The following DLGAP3 variants were observed in gnomAD, a reference collection of about 807,000 sequenced individuals.
DLGAP3 encodes the protein disks large-associated protein 3.
DLGAP3 carries 17 observed loss-of-function variants against 81.2 expected under a neutral mutation model. That is an observed-to-expected ratio of 0.21 (90% CI 0.14 to 0.31). DLGAP3 has a LOEUF of 0.31. Ranked by LOEUF, DLGAP3 falls within the 10% of genes least tolerant of loss-of-function variation. The probability of loss-of-function intolerance (pLI) is 1.00; values close to 1 mark genes in which losing one functional copy is unlikely to be tolerated. For synonymous variants in DLGAP3, 577 were observed against 587.4 expected (o/e 0.98, Z 0.26); for missense variants, 1,124 against 1,388.0 (o/e 0.81, Z 3.02).
At chr1:34,883,551 C>A (rs1049224067) in intron 8 of DLGAP3, among the ~76,000 whole-genome samples, 25 of 152,252 alleles carry the variant, frequency 1.6e-4, no homozygotes, top group Non-Finnish European at 2.8e-4. Context: ...TGACTCCTAC[C>A]CCATCTCTCA....
intron 3 of DLGAP3, among the ~76,000 whole-genome samples, chr1:34,903,765 T>C (rs935839194): frequency 1.3e-5 from 2 of 152,170 alleles, no homozygotes; most frequent in African/African-American, 4.8e-5. Context: ...CCACCACCGG[T>C]ACCCCGGAAT....
intron 1 of DLGAP3, among the ~76,000 whole-genome samples, chr1:34,924,099 G>A (rs1639834182): frequency 6.6e-6 from 1 of 152,112 alleles, no homozygotes; most frequent in Non-Finnish European, 1.5e-5. Flanking sequence ...ACAAGGGAAG[G>A]GACCTTAAGA....
intron 2 of DLGAP3, among the ~76,000 whole-genome samples, chr1:34,907,111 T>C (rs1234675397): frequency 6.6e-6 from 1 of 152,116 alleles, no homozygotes; most frequent in African/African-American, 2.4e-5. Flanking sequence ...TCACCCCTCA[T>C]CTCCTACTAT....
chr1:34,904,362 C>G lies in DLGAP3; in HGVS notation c.1022G>C (p.Arg341Pro), dbSNP rs777517092. 2 of 1,613,184 alleles carry G rather than the reference C, an allele frequency of 1.2e-6. No individual in the cohort carries two copies. Residue 341 changes from arginine to proline, a missense_variant, in exon 3 of 12, where the codon CGG becomes CCG. Arg to Pro is a moderately radical substitution (Grantham distance 103). Coordinates refer to ENST00000373347, the MANE Select transcript of DLGAP3 (RefSeq NM_001080418.3). This position sits in a 1 kb window ranked among gnomAD's most constrained non-coding sequence, Gnocchi z 8.1. ...TGGCCCGGCCCCCGGGTATCCATCC[C>G]GGCCCTGGCTGACCATCATGGTATG... is the stretch of plus-strand genomic sequence containing the variant. ...AWHTMMVSQG[R>P]DGYPGAGPGK...
intron 8 of DLGAP3, among the ~76,000 whole-genome samples, chr1:34,884,609 T>C (rs760584243): frequency 6.6e-6 from 1 of 152,198 alleles, no homozygotes; most frequent in Non-Finnish European, 1.5e-5. Context: ...CACATACTTG[T>C]ACACCACAGG....
intron 5 of DLGAP3, among the ~76,000 whole-genome samples, chr1:34,892,294 C>T (rs1487779684): frequency 6.6e-6 from 1 of 151,958 alleles, no homozygotes; most frequent in Non-Finnish European, 1.5e-5. Flanking sequence ...TATAAATTAT[C>T]CAATATGAAT....
intron 8 of DLGAP3, among the ~76,000 whole-genome samples, chr1:34,879,891 G>T (rs574446145): frequency 2.0e-5 from 3 of 152,118 alleles, no homozygotes; most frequent in South Asian, 4.1e-4. Flanking sequence ...GAAAGTTAGG[G>T]ATGAATTCAA....
intron 1 of DLGAP3, among the ~76,000 whole-genome samples, chr1:34,915,468 T>C (rs1168941848): frequency 6.6e-6 from 1 of 152,170 alleles, no homozygotes; most frequent in East Asian, 1.9e-4. Context: ...GCCATACCAA[T>C]GACCTTTCTT....
rs1639010060 is a variant in DLGAP3, at chr1:34,873,618, AAC to A, written c.2001-4531_2001-4530del. On this transcript the variant is annotated intron_variant, in intron 8 of 11. Transcript: ENST00000373347. This position sits in a 1 kb window ranked among gnomAD's most constrained non-coding sequence, Gnocchi z 4.2. ...CACTGAAAAGAGAGGGAGCTGGACA[AAC>A]ACAATCATCGGAATGTAGCACTGAG... Among the ~76,000 whole-genome samples, 1 of 152,230 alleles carries A rather than the reference AAC, an allele frequency of 6.6e-6. No homozygotes were observed. Among genetic ancestry groups the A allele is most frequent in the South Asian group, 2.1e-4 (1 of 4,830 alleles).
Position 34,905,403 on chromosome 1 carries a change from C to T in DLGAP3, c.-20G>A. The T allele has an allele frequency of 6.5e-7, 1 of 1,546,850 alleles. No homozygotes were observed. Among genetic ancestry groups the T allele is most frequent in the Non-Finnish European group, 8.7e-7 (1 of 1,145,364 alleles). ...CCTCATGGCCTCAGCAAAGGCTCTT[C>T]ATAGTCTTGGGGGCCAGGCCCCAGG... On this transcript the variant is annotated 5_prime_UTR_variant, in exon 3 of 12. An upstream start codon of the reference 5' UTR is lost. Coordinates refer to ENST00000373347, the MANE Select transcript of DLGAP3 (RefSeq NM_001080418.3).
intron 5 of DLGAP3, among the ~76,000 whole-genome samples, chr1:34,892,497 C>T (rs1028201133): frequency 2.6e-5 from 4 of 152,034 alleles, no homozygotes; most frequent in Non-Finnish European, 4.4e-5. Flanking sequence ...TTTTTGTTCT[C>T]GTTTTTTGTT....
chr1:34,927,541 C>T (rs113576645), intron 1 of DLGAP3, among the ~76,000 whole-genome samples: 32 of 152,254 alleles, frequency 2.1e-4, no homozygotes, highest in African/African-American at 6.5e-4. Context: ...GGGGCAGTGG[C>T]GGGTGGGAGA....
At chr1:34,872,869 C>T (rs1410443865) in intron 8 of DLGAP3, among the ~76,000 whole-genome samples, 1 of 152,154 alleles carries the variant, frequency 6.6e-6, no homozygotes, top group Non-Finnish European at 1.5e-5. Flanking sequence ...CAGTTTGAAA[C>T]CCCATTGAGA....
In DLGAP3 at chr1:34,866,159, G is replaced by C; in HGVS notation, c.2864C>G (p.Ser955Cys). ...KRLLAAKRAA[S>C]FRHSSATESA... ...CTCGGTGGCCGAGCTGTGGCGGAAG[G>C]AAGCGGCGCGCTTGGCCGCCAGGAG... Residue 955 changes from serine to cysteine, a missense_variant, in exon 12 of 12, where the codon TCC (serine) becomes TGC (cysteine). Coordinates refer to ENST00000373347, the MANE Select transcript of DLGAP3 (RefSeq NM_001080418.3). 1 of 1,597,862 alleles carries C rather than the reference G, an allele frequency of 6.3e-7. No homozygotes were observed. Among genetic ancestry groups the C allele is most frequent in the Non-Finnish European group, 8.5e-7 (1 of 1,178,706 alleles).
In DLGAP3 at chr1:34,929,298, G is replaced by A. The variant is rs910611086; in HGVS notation, c.-135+153C>T. 6.0e-5 allele frequency among the ~76,000 whole-genome samples: 9 copies of A among 150,628 alleles called. No individual in the cohort carries two copies. Among genetic ancestry groups the A allele is most frequent in the South Asian group, 2.1e-4 (1 of 4,822 alleles). On this transcript the variant is annotated intron_variant, in intron 1 of 11. Transcript: ENST00000373347. The surrounding 1 kb of genome is among the most constrained non-coding windows in gnomAD (Gnocchi z 6.5). The stretch of plus-strand genomic sequence containing the variant: ...CCGGGGCAGGAGCGGGGGCAGCTGA[G>A]GAGGCCCAGCCCCTCCCCCCTCCCG...
At chr1:34,915,657 C>T (rs576452867) in intron 1 of DLGAP3, among the ~76,000 whole-genome samples, 1 of 152,316 alleles carries the variant, frequency 6.6e-6, no homozygotes, top group East Asian at 1.9e-4. Context: ...AAGCCAACCA[C>T]GAAGGCTGGC....
chr1:34,866,857 G>A (rs1638889956), intron 11 of DLGAP3, among the ~76,000 whole-genome samples, 191 bp downstream of exon 11: 1 of 152,234 alleles, frequency 6.6e-6, no homozygotes, highest in Non-Finnish European at 1.5e-5. Context: ...TGAGCACTGG[G>A]GCCAAGCAGA....
At chr1:34,896,545 A>G (rs1191851562) in intron 5 of DLGAP3, among the ~76,000 whole-genome samples, 1 of 150,866 alleles carries the variant, frequency 6.6e-6, no homozygotes, top group Non-Finnish European at 1.5e-5. Flanking sequence ...GCAGAGATCT[A>G]GCCACTGCAC....
chr1:34,916,671 ATTTTATTTTATTTTATTTTATT>A (rs1205867682), intron 1 of DLGAP3, among the ~76,000 whole-genome samples: 1 of 115,778 alleles, frequency 8.6e-6, no homozygotes, highest in Admixed American at 7.9e-5. Flanking sequence ...ATTTTATTTT[ATTTTATTTTATTTTATTTTATT>A]TTATTTTATT....
Sources: allele counts gnomAD v4.1 joint callset (sites outside exome capture counted in the v4.1 genomes callset), GRCh38; gene constraint gnomAD v4.1.1; non-coding constraint Gnocchi (gnomAD v3.1); transcripts MANE v1.5; gene names NCBI Gene and HGNC (gene_info 2026-07-23, HGNC 2026-07-21).